Variants in KATNBL1 observed in about 807,000 individuals in gnomAD.
The protein encoded by KATNBL1 is katanin regulatory subunit B1 like 1, also known as KATNB1-like protein 1.
Under a neutral mutation model 44.7 loss-of-function variants are expected in KATNBL1, and 28 were observed. The ratio of observed to expected loss-of-function variants is 0.63; its 90% CI spans 0.46 to 0.86. KATNBL1 has a LOEUF of 0.86. Ranked by LOEUF, KATNBL1 falls within the 40% of genes least tolerant of loss-of-function variation. The pLI, the probability that KATNBL1 is intolerant of heterozygous loss-of-function variation, is 0.00. For synonymous variants in KATNBL1, 78 were observed against 114.9 expected, an observed-to-expected ratio of 0.68 and a Z score of 2.06; for missense variants, 272 against 350.7, an observed-to-expected ratio of 0.78 and a Z score of 1.79.
intron 1 of KATNBL1, among the ~76,000 whole-genome samples, chr15:34,184,774 C>T (rs112452426): frequency 0.12 from 18,060 of 151,142 alleles, 1,179 homozygotes; most frequent in Non-Finnish European, 0.15. Context: ...GGGGTTTCAC[C>T]TTGTTAGCCA....
chr15:34,170,164 T>C (rs1012841604), intron 1 of KATNBL1, among the ~76,000 whole-genome samples: 10 of 152,224 alleles, frequency 6.6e-5, no homozygotes, highest in Admixed American at 6.5e-4. Flanking sequence ...TGTTTGCAGA[T>C]GACATGATTG....
At chr15:34,204,686 C>G (rs1890248748) in intron 1 of KATNBL1, among the ~76,000 whole-genome samples, 1 of 152,190 alleles carries the variant, frequency 6.6e-6, no homozygotes, top group Admixed American at 6.5e-5. Flanking sequence ...AAACCATCTG[C>G]CAGACTTTCT....
At chr15:34,142,402 G>A in intron 9 of KATNBL1, 31 bp from the exon 10 acceptor site, 3 of 1,564,438 alleles carry the variant, frequency 1.9e-6, no homozygotes, top group Non-Finnish European at 1.7e-6. Flanking sequence ...CATTTCATTA[G>A]ACAGTACAGT....
At chr15:34,147,560 T>A in intron 5 of KATNBL1, 130 bp from the exon 6 acceptor site, 1 of 731,214 alleles carries the variant, frequency 1.4e-6, no homozygotes, top group Non-Finnish European at 2.3e-6. Context: ...ATGAGTCATG[T>A]CTGTGGATAC....
At chr15:34,191,094 C>G (rs913346622) in intron 1 of KATNBL1, among the ~76,000 whole-genome samples, 1 of 150,576 alleles carries the variant, frequency 6.6e-6, no homozygotes, top group Non-Finnish European at 1.5e-5. Context: ...TCCCCAACCA[C>G]TTGAATGTAT....
intron 1 of KATNBL1, among the ~76,000 whole-genome samples, chr15:34,183,429 C>A (rs1157698783): frequency 6.6e-6 from 1 of 152,160 alleles, no homozygotes; most frequent in Non-Finnish European, 1.5e-5. Flanking sequence ...AAAGACTCAT[C>A]CGAATTTTTA....
chr15:34,150,060 T>C (rs574536699), intron 4 of KATNBL1, among the ~76,000 whole-genome samples: 25 of 152,336 alleles, frequency 1.6e-4, no homozygotes, highest in Middle Eastern at 3.4e-3. Context: ...TCAATGGTTA[T>C]ATGTATTTTA....
At chr15:34,157,371 T>C (rs975295132) in intron 2 of KATNBL1, among the ~76,000 whole-genome samples, 5 of 152,148 alleles carry the variant, frequency 3.3e-5, no homozygotes, top group Non-Finnish European at 7.4e-5. Flanking sequence ...TCTCAATGGT[T>C]AGAAGCACTA....
intron 1 of KATNBL1, among the ~76,000 whole-genome samples, chr15:34,201,330 AGT>A (rs1473672719): frequency 6.6e-6 from 1 of 152,236 alleles, no homozygotes; most frequent in East Asian, 1.9e-4. Flanking sequence ...TAGGTTAAAA[AGT>A]GTGTGTCTGT....
In KATNBL1 at chr15:34,148,731, G is replaced by A. The variant is rs1274926599; in HGVS notation, c.458C>T (p.Thr153Ile). The stretch of plus-strand genomic sequence containing the variant: ...CCTGCTGAACAAAACTTGGGCCATT[G>A]TTTCATGGTCCTGAGAAACCTGAAA... ...FFSEVSQDHE[T>I]MAQVLFSRNM... The change falls in exon 5 of 10, where the codon ACA becomes ATA. Residue 153 changes from threonine (T) to isoleucine (I), a missense_variant. Around this residue, in one of 3 missense-constraint regions of KATNBL1, gnomAD observed 111 missense variants for 149.3 expected, o/e 0.74. Transcript: ENST00000256544. 5 of 1,607,174 alleles carry A rather than the reference G, an allele frequency of 3.1e-6. No homozygotes were observed. Among genetic ancestry groups the A allele is most frequent in the Admixed American group, 1.7e-5 (1 of 59,980 alleles).
At chr15:34,207,823 G>A (rs1273155574) in intron 1 of KATNBL1, among the ~76,000 whole-genome samples, 1 of 151,818 alleles carries the variant, frequency 6.6e-6, no homozygotes, top group South Asian at 2.1e-4. Context: ...GGCTGCTCTC[G>A]AACTCCTGGC....
intron 1 of KATNBL1, chr15:34,199,532 ATG>A (rs1890114348): frequency 6.6e-6 from 1 of 152,188 alleles, no homozygotes; most frequent in Admixed American, 6.5e-5. Context: ...CTGATTCCAC[ATG>A]TGTCCCGAGT....
intron 1 of KATNBL1, among the ~76,000 whole-genome samples, chr15:34,191,269 T>C (rs148446007): frequency 4.9e-4 from 75 of 151,640 alleles, no homozygotes; most frequent in African/African-American, 1.7e-3. Flanking sequence ...GGTCTATTCC[T>C]TTTTATTGTT....
intron 1 of KATNBL1, among the ~76,000 whole-genome samples, chr15:34,186,420 C>A (rs1348130610): frequency 1.3e-5 from 2 of 152,244 alleles, no homozygotes; most frequent in Non-Finnish European, 2.9e-5. Flanking sequence ...GGATCCCAGC[C>A]TCCCTGTGCT....
At chr15:34,146,208 G>A (rs1173664973) in intron 8 of KATNBL1, 3 of 152,316 alleles carry the variant, frequency 2.0e-5, no homozygotes, top group African/African-American at 7.2e-5. Flanking sequence ...GCCTCCCAAA[G>A]TGCTGGGATT....
chr15:34,164,667 T>C (rs1006728249), intron 1 of KATNBL1, among the ~76,000 whole-genome samples: 3 of 152,246 alleles, frequency 2.0e-5, no homozygotes, highest in Non-Finnish European at 4.4e-5. Flanking sequence ...TGGTTTCACG[T>C]TGGAAATTTA....
chr15:34,205,774 A>T (rs1407978454), intron 1 of KATNBL1, among the ~76,000 whole-genome samples: 1 of 152,206 alleles, frequency 6.6e-6, no homozygotes, highest in Non-Finnish European at 1.5e-5. Context: ...AGTACATGTT[A>T]CAGACTAATT....
At chr15:34,146,097 C>G (rs1888303059) in intron 8 of KATNBL1, 1 of 152,370 alleles carries the variant, frequency 6.6e-6, no homozygotes, top group Non-Finnish European at 1.5e-5. Flanking sequence ...AGGCGCACAC[C>G]ACCATGCCTG....
rs537869656 is a variant in KATNBL1, at chr15:34,142,485, G to A, written c.883-114C>T. 6.8e-6 allele frequency: 8 copies of A among 1,173,144 alleles called. No individual in the cohort carries two copies. The African/African-American group carries it at 9.5e-5, about 14-fold the overall frequency. 72.7% of individuals were successfully genotyped at this position (1,173,144 alleles called of 1,614,324 possible). ...CCTTAGTTTCCTTTTGTGACCTTTT[G>A]AGGGTAAAAGACGTGCCTTGTTCAG... On this transcript the variant is annotated intron_variant, in intron 9 of 9. Transcript: ENST00000256544.
Sources: gnomAD v4.1 joint callset for allele counts (sites outside exome capture counted in the v4.1 genomes callset) on GRCh38, gnomAD v4.1.1 for gene constraint, gnomAD v4.1.1 regional missense constraint, MANE v1.5 for transcripts, NCBI Gene and HGNC (gene_info 2026-07-23, HGNC 2026-07-21) for gene names.